The following LSAMP variants were observed in gnomAD, a reference collection of about 807,000 sequenced individuals.
LSAMP encodes the protein limbic system-associated membrane protein.
In LSAMP, 7 loss-of-function variants were observed where a neutral mutation model predicts 38.6. That is an observed-to-expected ratio of 0.18 (90% confidence interval 0.10 to 0.34). The LOEUF (loss-of-function observed/expected upper bound fraction) is 0.34. LSAMP is among the 10% of genes least tolerant of loss of function. The pLI is 1.00. For missense variants in LSAMP, 313 were observed against 420.0 expected, an observed-to-expected ratio of 0.75 and a Z score of 2.23; for synonymous variants, 154 against 166.8, an observed-to-expected ratio of 0.92 and a Z score of 0.59.
intron 1 of LSAMP, among the ~76,000 whole-genome samples, chr3:116,130,149 G>T (rs1211735991): frequency 6.6e-6 from 1 of 152,112 alleles, no homozygotes; most frequent in African/African-American, 2.4e-5. Flanking sequence ...TTTCATGGCT[G>T]CCCTACCTAC....
At chr3:115,843,503 C>T (rs1935062297) in intron 4 of LSAMP, among the ~76,000 whole-genome samples, 1 of 152,170 alleles carries the variant, frequency 6.6e-6, no homozygotes, top group African/African-American at 2.4e-5. Context: ...CCTTTCCTGT[C>T]CAAAGGTTGT....
intron 1 of LSAMP, among the ~76,000 whole-genome samples, chr3:116,214,588 C>G (rs555843532): frequency 2.8e-4 from 41 of 148,358 alleles, no homozygotes; most frequent in African/African-American, 1.0e-3. Context: ...ACTGCAACCT[C>G]TGCCTCCTGG....
At chr3:115,975,759 T>A (rs1295483069) in intron 3 of LSAMP, among the ~76,000 whole-genome samples, 1 of 152,168 alleles carries the variant, frequency 6.6e-6, no homozygotes, top group Non-Finnish European at 1.5e-5. Flanking sequence ...ACCAATAATC[T>A]TCTGTGTAAA....
intron 3 of LSAMP, among the ~76,000 whole-genome samples, chr3:115,906,704 C>T (rs955372798): frequency 6.6e-6 from 1 of 152,092 alleles, no homozygotes; most frequent in African/African-American, 2.4e-5. Context: ...ATCTACAAAG[C>T]GTTTGGCACA....
At chr3:115,896,084 GTTGT>G (rs2107470248) in intron 3 of LSAMP, among the ~76,000 whole-genome samples, 1 of 152,082 alleles carries the variant, frequency 6.6e-6, no homozygotes, top group South Asian at 2.1e-4. Flanking sequence ...ATCTGCTTTT[GTTGT>G]TTATGTTTTT....
At chr3:116,328,614 T>C (rs2047806315) in intron 1 of LSAMP, among the ~76,000 whole-genome samples, 1 of 152,052 alleles carries the variant, frequency 6.6e-6, no homozygotes, top group Non-Finnish European at 1.5e-5. Context: ...TCATAATAAA[T>C]GAAAGTGGTT....
intron 3 of LSAMP, among the ~76,000 whole-genome samples, chr3:115,936,916 T>A (rs1343061660): frequency 6.6e-6 from 1 of 152,166 alleles, no homozygotes. Flanking sequence ...AGAGCTGCAA[T>A]TAATAGTAGT....
At chr3:115,959,322 G>A (rs1414566332) in intron 3 of LSAMP, among the ~76,000 whole-genome samples, 2 of 152,152 alleles carry the variant, frequency 1.3e-5, no homozygotes, top group African/African-American at 2.4e-5. Flanking sequence ...TTTTAGGCAT[G>A]ATTTAGGGTG....
intron 1 of LSAMP, among the ~76,000 whole-genome samples, chr3:116,273,791 A>ATC (rs1559808463): frequency 2.1e-5 from 3 of 141,408 alleles, no homozygotes; most frequent in East Asian, 4.1e-4. Context: ...ACAGATATAT[A>ATC]TATCTTTCTC....
chr3:115,888,824 A>G (rs947664901), intron 3 of LSAMP, among the ~76,000 whole-genome samples: 6 of 151,952 alleles, frequency 3.9e-5, no homozygotes, highest in Non-Finnish European at 7.4e-5. Flanking sequence ...AAAGTCAACT[A>G]TGTGGCAAAT....
At chr3:116,202,900 C>T (rs1411121113) in intron 1 of LSAMP, among the ~76,000 whole-genome samples, 3 of 152,154 alleles carry the variant, frequency 2.0e-5, no homozygotes, top group Non-Finnish European at 4.4e-5. Flanking sequence ...TAAGGGTAAG[C>T]ACCACTGAAG....
chr3:116,132,904 T>C (rs1709166586), intron 1 of LSAMP, among the ~76,000 whole-genome samples: 1 of 152,202 alleles, frequency 6.6e-6, no homozygotes, highest in Admixed American at 6.5e-5. Flanking sequence ...ATCTAGTCCC[T>C]GTTCCTTCAC....
intron 3 of LSAMP, among the ~76,000 whole-genome samples, chr3:116,008,779 G>T (rs1940240571): frequency 6.6e-6 from 1 of 152,068 alleles, no homozygotes; most frequent in Non-Finnish European, 1.5e-5. Flanking sequence ...AGGAACGTGG[G>T]GAAAGGTCCC....
At chr3:116,244,380 T>C (rs1358619975) in intron 1 of LSAMP, among the ~76,000 whole-genome samples, 1 of 152,218 alleles carries the variant, frequency 6.6e-6, no homozygotes, top group Admixed American at 6.5e-5. Flanking sequence ...TGAATATATT[T>C]CCCAAAGCCC....
At chr3:116,128,989 C>T (rs1038081197) in intron 1 of LSAMP, among the ~76,000 whole-genome samples, 1 of 151,978 alleles carries the variant, frequency 6.6e-6, no homozygotes, top group Non-Finnish European at 1.5e-5. Context: ...AATGTTCAGG[C>T]TATTGAAAAA....
At chr3:116,009,799 C>T (rs559959803) in intron 3 of LSAMP, among the ~76,000 whole-genome samples, 2 of 152,058 alleles carry the variant, frequency 1.3e-5, no homozygotes, top group Non-Finnish European at 2.9e-5. Context: ...CCCTCACCCC[C>T]ACTATAGCAC....
chr3:116,059,365 G>C (rs1941550197), intron 2 of LSAMP, among the ~76,000 whole-genome samples: 1 of 152,166 alleles, frequency 6.6e-6, no homozygotes, highest in Non-Finnish European at 1.5e-5. Context: ...AGGAGAAGAT[G>C]TGTTCCTTTA....
intron 1 of LSAMP, among the ~76,000 whole-genome samples, chr3:116,148,954 A>G (rs959006712): frequency 6.6e-6 from 1 of 152,038 alleles, no homozygotes; most frequent in African/African-American, 2.4e-5. Flanking sequence ...GACTAGTTAT[A>G]ATAGGAGGCC....
chr3:116,108,451 G>A (rs1262035715), intron 1 of LSAMP, among the ~76,000 whole-genome samples: 2 of 152,066 alleles, frequency 1.3e-5, no homozygotes, highest in Non-Finnish European at 2.9e-5. Context: ...TGACAAGAAG[G>A]TAATGTGGAG....
Sources: gnomAD v4.1 joint callset for allele counts (sites outside exome capture counted in the v4.1 genomes callset) on GRCh38, gnomAD v4.1.1 for gene constraint, MANE v1.5 for transcripts, NCBI Gene and HGNC (gene_info 2026-07-23, HGNC 2026-07-21) for gene names.